Variants in CLUH observed in about 807,000 individuals in gnomAD.
CLUH encodes CLUH binding protein of NUMT mRNA, also known as clustered mitochondria protein homolog.
CLUH carries 77 observed loss-of-function variants against 139.3 expected under a neutral mutation model. The observed-to-expected ratio is 0.55, with a 90% CI of 0.46 to 0.67. CLUH has a LOEUF of 0.67. Among genes scored for constraint, CLUH ranks in the 30% least tolerant of loss-of-function variants. The pLI, the probability that CLUH is intolerant of heterozygous loss-of-function variation, is 0.00. For missense variants in CLUH, 1,876 were observed against 1,875.8 expected (o/e 1.00, Z 0.00); for synonymous variants, 999 against 801.6 (o/e 1.25, Z -4.16).
rs938801533 is a variant in CLUH, at chr17:2,690,093, C to G, written c.*501G>C. ...CCCCACCCCTCCCCACCGGGTTTTT[C>G]GGCCTAAACCCTGAACTTTCAGACA... is the stretch of plus-strand genomic sequence containing the variant. On this transcript the variant is annotated 3_prime_UTR_variant, in exon 26 of 26. Transcript: ENST00000651024. 6.5e-6 allele frequency: 1 copy of G among 153,378 alleles called. No homozygotes were observed. Among genetic ancestry groups the G allele is most frequent in the African/African-American group, 2.4e-5 (1 of 41,470 alleles). 9.5% of individuals were successfully genotyped at this position (153,378 alleles called of 1,614,324 possible).
Position 2,696,779 on chromosome 17 carries a change from C to A in CLUH, c.2125G>T (p.Ala709Ser). The A allele has an allele frequency of 6.2e-7, 1 of 1,612,962 alleles. No homozygotes were observed. The highest frequency in any genetic ancestry group is 8.5e-7 in the Non-Finnish European group (1 of 1,179,888). Reference protein sequence around the residue: ...EAGSEEEGSSASGLAKVKELA... With the variant: ...EAGSEEEGSSSSGLAKVKELA... ...TCCTTCACCTTGGCCAGGCCGCTGG[C>A]GCTGCTACCCTCCTCCTCACTTCCC... The change falls in exon 11 of 26, where the codon GCC becomes TCC. Residue 709 changes from alanine (A) to serine (S), a missense_variant. Coordinates refer to ENST00000651024, the MANE Select transcript of CLUH (RefSeq NM_001366661.1).
chr17:2,701,292 G>A (rs369081804), intron 6 of CLUH, 27 bp from the exon 7 acceptor site: 26 of 1,607,896 alleles, frequency 1.6e-5, no homozygotes, highest in Middle Eastern at 1.6e-4. Context: ...GGCACTGAGC[G>A]GGGGCCCAGG....
Position 2,704,376 on chromosome 17 carries a change from G to C in CLUH, c.289C>G (p.Pro97Ala). The change falls in exon 2 of 26, where the codon CCC (proline) becomes GCC (alanine). Residue 97 changes from proline to alanine, a missense_variant. Coordinates refer to ENST00000651024, the MANE Select transcript of CLUH (RefSeq NM_001366661.1). The surrounding 1 kb of genome is among the most constrained non-coding windows in gnomAD (Gnocchi z 5.7). ...CTCCATCTTACCTGCAGGGAGAAGG[G>C]CTCGATCCCAGGGGCGAGGATCTTC... is the stretch of plus-strand genomic sequence containing the variant. ...SVKILAPGIE[P>A]FSLQVSPQEM... 1 of 1,610,840 alleles carries C rather than the reference G, an allele frequency of 6.2e-7. No individual in the cohort carries two copies. Among genetic ancestry groups the C allele is most frequent in the Non-Finnish European group, 8.5e-7 (1 of 1,178,700 alleles).
intron 1 of CLUH, among the ~76,000 whole-genome samples, chr17:2,705,653 G>A (rs908226201): frequency 5.9e-5 from 9 of 152,126 alleles, no homozygotes; most frequent in African/African-American, 2.2e-4. Context: ...TTCATTCCCA[G>A]AGACATTCGG....
chr17:2,692,059 T>G lies in CLUH; in HGVS notation c.3599A>C (p.Glu1200Ala). The G allele has an allele frequency of 6.2e-7, 1 of 1,603,728 alleles. No homozygotes were observed. Among genetic ancestry groups the G allele is most frequent in the Non-Finnish European group, 8.5e-7 (1 of 1,175,754 alleles). Residue 1200 changes from glutamate to alanine, a missense_variant, in exon 23 of 26, where the codon GAG (glutamate) becomes GCG (alanine). By Grantham distance (107) the Glu-to-Ala change is moderately radical (BLOSUM62 -1). Coordinates refer to ENST00000651024, the MANE Select transcript of CLUH (RefSeq NM_001366661.1). ...LVARVYESKA[E>A]FRSALQHEKE... ...CTCGTGCTGCAGGGCCGACCGGAAC[T>G]CAGCTTTGCTCTCGTAGACTCGGGC...
In CLUH at chr17:2,701,505, T is replaced by G. The variant is rs773732576; in HGVS notation, c.760A>C (p.Lys254Gln). ...NRDWKPLQCL[K>Q]VLTMSGWNPP... Reference sequence around the variant, plus strand: ...TTCCATCCGCTCATGGTGAGTACTTTCAGGCACTGCAAGGGCTTCGGGAGC... The same window carrying G: ...TTCCATCCGCTCATGGTGAGTACTTGCAGGCACTGCAAGGGCTTCGGGAGC... The change falls in exon 6 of 26, where the codon AAA becomes CAA. Residue 254 changes from lysine to glutamine, a missense_variant. Physicochemically the swap from Lys to Gln is moderately conservative, Grantham distance 53 (BLOSUM62 1). Transcript: ENST00000651024. The G allele has an allele frequency of 1.2e-6, 2 of 1,613,880 alleles. No homozygotes were observed. Among genetic ancestry groups the G allele is most frequent in the Non-Finnish European group, 1.7e-6 (2 of 1,179,870 alleles).
At position 2,701,532 on chromosome 17, in the gene CLUH, G is replaced by A; in HGVS notation, c.745-12C>T. 1 of 1,613,524 alleles carries A rather than the reference G, an allele frequency of 6.2e-7. No homozygotes were observed. The highest frequency in any genetic ancestry group is 8.5e-7 in the Non-Finnish European group (1 of 1,179,750). On this transcript the variant is annotated splice_polypyrimidine_tract_variant and intron_variant, in intron 5 of 25. Transcript: ENST00000651024. ...AGGCACTGCAAGGGCTTCGGGAGCG[G>A]CCGAGTCTGAGGGGCCAGGCCTCTG...
rs2070529151 is a variant in CLUH at position 2,711,710 on chromosome 17, C to G, written c.-49G>C. On this transcript the variant is annotated 5_prime_UTR_variant, in exon 1 of 26. Transcript: ENST00000651024. ...TCGGCTGTCCGCGCCGCCCGCCGCG[C>G]CACTAACCCAAGTGCCCTGCGCGCC... The G allele has an allele frequency of 1.2e-6, 1 of 830,442 alleles. No individual in the cohort carries two copies. The highest frequency in any genetic ancestry group is 1.8e-5 in the African/African-American group (1 of 54,092). The allele number at this position is 830,442 out of a possible 1,614,324, so 51.4% of individuals were successfully genotyped here. A position where few individuals can be genotyped will look rare whatever the true frequency, so the allele number is the denominator to read the frequency against.
At position 2,696,193 on chromosome 17, in the gene CLUH, G is replaced by A; in HGVS notation, c.2357C>T (p.Ala786Val). Residue 786 changes from alanine to valine, a missense_variant, in exon 13 of 26, where the codon GCT (alanine) becomes GTT (valine). Around this residue, in one of 3 missense-constraint regions of CLUH, gnomAD observed 1,454 missense variants for 1,384.4 expected, o/e 1.05. Transcript: ENST00000651024. Reference protein sequence around the residue: ...RDQKQLLKDAAAFLLSCQIPG... With the variant: ...RDQKQLLKDAVAFLLSCQIPG... ...GATCTGGCAGGAGAGCAGGAAGGCA[G>A]CCGCGTCCTTCAGCAGCTGCTTCTG... is the stretch of plus-strand genomic sequence containing the variant. 1.3e-6 allele frequency: 2 copies of A among 1,571,564 alleles called. No individual in the cohort carries two copies. The highest frequency in any genetic ancestry group is 1.7e-6 in the Non-Finnish European group (2 of 1,158,946).
chr17:2,696,065 G>C, intron 13 of CLUH, 94 bp downstream of exon 13: 1 of 1,027,024 alleles, frequency 9.7e-7, no homozygotes. Flanking sequence ...AGTCACTCCT[G>C]CGAGCCTGTG....
rs748692718 is a variant in CLUH, at chr17:2,692,642, G to C, written c.3367C>G (p.Leu1123Val). 5.6e-6 allele frequency: 9 copies of C among 1,612,698 alleles called. No homozygotes were observed. In the African/African-American group the frequency reaches 1.2e-4, roughly 22 times the overall value. Residue 1123 changes from leucine to valine, a missense_variant, in exon 21 of 26, where the codon CTG becomes GTG. Physicochemically the swap from Leu to Val is conservative, Grantham distance 32. Coordinates refer to ENST00000651024, the MANE Select transcript of CLUH (RefSeq NM_001366661.1). ...ATGAGGTAGCGGGCGCGGTACAGCA[G>C]GCTCAGGGCGGTGGACAGCTGGCTG... ...ASSQLSTALSLLYRARYLMLL... is the reference protein window; with the variant it reads ...ASSQLSTALSVLYRARYLMLL...
At chr17:2,697,124 G>A (rs1293576454) in intron 10 of CLUH, among the ~76,000 whole-genome samples, 182 bp from the exon 11 acceptor site, 1 of 152,240 alleles carries the variant, frequency 6.6e-6, no homozygotes, top group Non-Finnish European at 1.5e-5. Flanking sequence ...AGGCGGCCGG[G>A]CGTGGTGGCT....
rs922270010 is a variant in CLUH at position 2,707,294 on chromosome 17, C to T, written c.101-2730G>A. 1.6e-5 allele frequency: 16 copies of T among 985,328 alleles called. No individual in the cohort carries two copies. In the African/African-American group the frequency reaches 2.1e-4, roughly 13 times the overall value. 61.0% of individuals were successfully genotyped at this position (985,328 alleles called of 1,614,324 possible). A position where few individuals can be genotyped will look rare whatever the true frequency, so the allele number is the denominator to read the frequency against. ...CCGGGTTCCTTGTTCCAGCCTCTGC[C>T]GCTACCCTTGCCCTAATGCAGCCAG... On this transcript the variant is annotated intron_variant, in intron 1 of 25. Transcript: ENST00000651024. The surrounding 1 kb of genome is among the most constrained non-coding windows in gnomAD (Gnocchi z 7.4).
chr17:2,701,337 G>C (rs767840961), intron 6 of CLUH, 29 bp downstream of exon 6: 4 of 1,606,378 alleles, frequency 2.5e-6, no homozygotes, highest in South Asian at 2.2e-5. Flanking sequence ...GGCACGGCAG[G>C]GGGGTGTGGT....
At chr17:2,710,012 A>T (rs1166235214) in intron 1 of CLUH, among the ~76,000 whole-genome samples, 1 of 151,108 alleles carries the variant, frequency 6.6e-6, no homozygotes, top group Non-Finnish European at 1.5e-5. Flanking sequence ...CCCTCACAGA[A>T]ATCCTCCAAC....
chr17:2,698,230 T>C lies in CLUH; in HGVS notation c.1627A>G (p.Ile543Val), dbSNP rs1329507114. 1.9e-6 allele frequency: 3 copies of C among 1,594,718 alleles called. No individual in the cohort carries two copies. Among genetic ancestry groups the C allele is most frequent in the Non-Finnish European group, 2.6e-6 (3 of 1,171,640 alleles). The change falls in exon 10 of 26, where the codon ATC (isoleucine) becomes GTC (valine). Residue 543 changes from isoleucine to valine, a missense_variant. Ile to Val is a conservative substitution (Grantham distance 29). Around this residue, in one of 3 missense-constraint regions of CLUH, gnomAD observed 1,454 missense variants for 1,384.4 expected, o/e 1.05. Coordinates refer to ENST00000651024, the MANE Select transcript of CLUH (RefSeq NM_001366661.1). Reference protein sequence around the residue: ...DQEQSVIYGSIDFGKTVVSHP... With the variant: ...DQEQSVIYGSVDFGKTVVSHP... ...GACACCACGGTCTTGCCGAAGTCGA[T>C]GGAGCCGTAGATGACGCTCTGCTCC... is the stretch of plus-strand genomic sequence containing the variant.
At chr17:2,702,984 G>A (rs1186724221) in intron 3 of CLUH, among the ~76,000 whole-genome samples, 2 of 151,996 alleles carry the variant, frequency 1.3e-5, no homozygotes, top group Non-Finnish European at 2.9e-5. Flanking sequence ...GCCACCACGC[G>A]CAGCTAACTT....
rs771657609 is a variant in CLUH, at chr17:2,695,504, G to C, written c.2414C>G (p.Ala805Gly). Residue 805 changes from alanine to glycine, a missense_variant, in exon 14 of 26, where the codon GCG becomes GGG. By Grantham distance (60) the Ala-to-Gly change is moderately conservative. This residue lies in a region of CLUH where 1,454 missense variants were observed against 1,384.4 expected (regional missense o/e 1.05). Coordinates refer to ENST00000651024, the MANE Select transcript of CLUH (RefSeq NM_001366661.1). ...PGLVKDCMEH[A>G]VLPVDGATLA... The stretch of plus-strand genomic sequence containing the variant: ...CGTTGCCCCGTCCACGGGCAGGACC[G>C]CGTGCTCCATGCAGTCCTTCACCTG... The C allele has an allele frequency of 8.1e-6, 13 of 1,605,252 alleles. No homozygotes were observed. The African/African-American group carries it at 1.5e-4, about 18-fold the overall frequency.
chr17:2,691,536 G>A lies in CLUH; in HGVS notation c.3863+73C>T, dbSNP rs896732041. The A allele has an allele frequency of 8.9e-6, 13 of 1,463,180 alleles. No individual in the cohort carries two copies. The South Asian group carries it at 9.6e-5, about 11-fold the overall frequency. The allele number at this position is 1,463,180 out of a possible 1,614,324, so 90.6% of individuals were successfully genotyped here. On this transcript the variant is annotated intron_variant, in intron 25 of 25. Transcript: ENST00000651024. The stretch of plus-strand genomic sequence containing the variant: ...GGATGGCGCCGCCGCACTCCAGCCC[G>A]GGTGACAGGGCGAGACTCCGACTCA...
Sources: gnomAD v4.1 joint callset for allele counts (sites outside exome capture counted in the v4.1 genomes callset) on GRCh38, gnomAD v4.1.1 for gene constraint, gnomAD v4.1.1 regional missense constraint, Gnocchi (gnomAD v3.1) non-coding constraint, MANE v1.5 for transcripts, NCBI Gene and HGNC (gene_info 2026-07-23, HGNC 2026-07-21) for gene names.